The following UNC13C variants were observed in gnomAD, a reference collection of about 807,000 sequenced individuals.
UNC13C encodes the protein unc-13 homolog C, also known as protein unc-13 homolog C.
UNC13C carries 174 observed loss-of-function variants against 245.4 expected under a neutral mutation model. The observed-to-expected ratio is 0.71, with a 90% CI of 0.63 to 0.80. The LOEUF is 0.80. Ranked by LOEUF, UNC13C falls within the 30% of genes least tolerant of loss-of-function variation. The probability of loss-of-function intolerance (pLI) is 0.00; values close to 1 mark genes in which losing one functional copy is unlikely to be tolerated. For synonymous variants in UNC13C, 992 were observed against 895.1 expected (o/e 1.11, Z -1.93); for missense variants, 2,829 against 2,602.9 (o/e 1.09, Z -1.89).
intron 30 of UNC13C, among the ~76,000 whole-genome samples, chr15:54,591,599 A>G (rs540471212): frequency 3.3e-4 from 50 of 152,202 alleles, no homozygotes; most frequent in African/African-American, 1.2e-3. Context: ...GTAGCCTTGA[A>G]TGATCTTTTG....
chr15:54,231,450 G>C (rs1166232869), intron 4 of UNC13C, among the ~76,000 whole-genome samples: 1 of 151,938 alleles, frequency 6.6e-6, no homozygotes, highest in Non-Finnish European at 1.5e-5. Flanking sequence ...CCTTGGCACT[G>C]CCATTTCAGA....
At chr15:53,846,739 A>G in the UNC13C span, among the ~76,000 whole-genome samples, 2 of 152,206 alleles carry the variant, frequency 1.3e-5, no homozygotes, top group African/African-American at 2.4e-5. Flanking sequence ...CATATGCCTT[A>G]TATCCTAATC....
chr15:53,937,270 G>A, the UNC13C span, among the ~76,000 whole-genome samples: 9 of 132,242 alleles, frequency 6.8e-5, no homozygotes, highest in East Asian at 2.4e-4. Context: ...AGGCCATGCA[G>A]AGGAAAGAAT....
intron 19 of UNC13C, among the ~76,000 whole-genome samples, chr15:54,430,195 A>C (rs910971916): frequency 1.3e-5 from 2 of 151,812 alleles, no homozygotes; most frequent in South Asian, 4.1e-4. Context: ...AAAGCTATTC[A>C]TTCTATTTTT....
At chr15:53,857,230 GT>G in the UNC13C span, among the ~76,000 whole-genome samples, 1 of 152,234 alleles carries the variant, frequency 6.6e-6, no homozygotes, top group Admixed American at 6.5e-5. Flanking sequence ...TGTCTGATTC[GT>G]GGATCTTTGC....
intron 13 of UNC13C, among the ~76,000 whole-genome samples, chr15:54,301,806 T>A (rs938983038): frequency 7.9e-5 from 12 of 152,202 alleles, no homozygotes; most frequent in African/African-American, 2.9e-4. Context: ...ATATATCTAG[T>A]AATGGGCTTG....
chr15:54,014,000 A>T lies in UNC13C; in HGVS notation c.1097A>T (p.Gln366Leu). The T allele has an allele frequency of 6.2e-7, 1 of 1,613,850 alleles. No homozygotes were observed. Among genetic ancestry groups the T allele is most frequent in the Admixed American group, 1.7e-5 (1 of 59,944 alleles). Residue 366 changes from glutamine to leucine, a missense_variant, in exon 2 of 33, where the codon CAG becomes CTG. Physicochemically the swap from Gln to Leu is moderately radical, Grantham distance 113. Transcript: ENST00000260323. ...GAATTTGCTCAGAGGATAGGACACC[A>T]GAGAGACTGCCCAAATGCAAAGCCT... ...KIEFAQRIGHQRDCPNAKPRP... is the reference protein window; with the variant it reads ...KIEFAQRIGHLRDCPNAKPRP...
intron 2 of UNC13C, among the ~76,000 whole-genome samples, chr15:54,046,431 A>G (rs1246500257): frequency 2.6e-5 from 4 of 152,286 alleles, no homozygotes; most frequent in African/African-American, 4.8e-5. Context: ...TTGCCACTCA[A>G]TTGACATATT....
At chr15:54,179,668 G>A (rs1486135910) in intron 4 of UNC13C, among the ~76,000 whole-genome samples, 5 of 152,018 alleles carry the variant, frequency 3.3e-5, no homozygotes, top group African/African-American at 1.2e-4. Context: ...TGCAATTGGA[G>A]TGCCAAAATG....
intron 29 of UNC13C, among the ~76,000 whole-genome samples, chr15:54,563,922 C>T (rs1444022258): frequency 6.6e-6 from 1 of 151,994 alleles, no homozygotes; most frequent in Non-Finnish European, 1.5e-5. Context: ...CCCCCTTTCT[C>T]CTGATTATCT....
intron 20 of UNC13C, among the ~76,000 whole-genome samples, chr15:54,498,382 T>C (rs932803899): frequency 2.6e-5 from 4 of 152,204 alleles, no homozygotes; most frequent in East Asian, 1.9e-4. Flanking sequence ...TCCAAGAAGA[T>C]AATTAGATAA....
At chr15:54,049,437 G>C (rs923662027) in intron 2 of UNC13C, 2 of 477,110 alleles carry the variant, frequency 4.2e-6, no homozygotes. Flanking sequence ...TCTTTGTGGA[G>C]ACCACATAAC....
At chr15:54,486,682 G>C (rs1893433858) in intron 19 of UNC13C, among the ~76,000 whole-genome samples, 1 of 152,128 alleles carries the variant, frequency 6.6e-6, no homozygotes. Context: ...TTAATGCCAA[G>C]AGCTTTGGAC....
intron 2 of UNC13C, among the ~76,000 whole-genome samples, chr15:54,092,883 T>A (rs976088521): frequency 3.9e-5 from 6 of 152,162 alleles, no homozygotes; most frequent in African/African-American, 1.4e-4. Context: ...ATTTATTGTA[T>A]GACATAGATA....
At chr15:54,585,389 A>G (rs1249037278) in intron 30 of UNC13C, among the ~76,000 whole-genome samples, 4 of 152,082 alleles carry the variant, frequency 2.6e-5, no homozygotes, top group Admixed American at 2.6e-4. Flanking sequence ...TTCTGCCATG[A>G]TTGTAATCTA....
chr15:54,368,920 A>G (rs2039426687), intron 17 of UNC13C, among the ~76,000 whole-genome samples: 1 of 152,146 alleles, frequency 6.6e-6, no homozygotes, highest in Non-Finnish European at 1.5e-5. Flanking sequence ...CATAAAGTCC[A>G]AAGAGTAAAT....
At chr15:54,197,673 C>G (rs2034400264) in intron 4 of UNC13C, among the ~76,000 whole-genome samples, 1 of 152,074 alleles carries the variant, frequency 6.6e-6, no homozygotes, top group Non-Finnish European at 1.5e-5. Flanking sequence ...AATAAAGCAT[C>G]TGGGGGACAT....
chr15:54,019,162 G>T (rs1214312298), intron 2 of UNC13C, among the ~76,000 whole-genome samples: 2 of 152,190 alleles, frequency 1.3e-5, no homozygotes, highest in Non-Finnish European at 2.9e-5. Context: ...GGAAGCAGAT[G>T]CTGAAAACTT....
intron 19 of UNC13C, chr15:54,416,764 A>G (rs1334170156): frequency 2.7e-6 from 1 of 370,466 alleles, no homozygotes; most frequent in Non-Finnish European, 5.3e-6. Context: ...TAGATTCTTA[A>G]TCTCCTTTGT....
Sources: gnomAD v4.1 joint callset for allele counts (sites outside exome capture counted in the v4.1 genomes callset) on GRCh38, gnomAD v4.1.1 for gene constraint, MANE v1.5 for transcripts, NCBI Gene and HGNC (gene_info 2026-07-23, HGNC 2026-07-21) for gene names.